Variants in HS3ST3B1 observed in about 807,000 individuals in gnomAD.
HS3ST3B1 encodes the protein heparan sulfate-glucosamine 3-sulfotransferase 3B1.
HS3ST3B1 carries 13 observed loss-of-function variants against 21.3 expected under a neutral mutation model. The observed-to-expected ratio is 0.61, with a 90% CI of 0.40 to 0.97. The LOEUF is 0.97. Among genes scored for constraint, HS3ST3B1 ranks in the 50% least tolerant of loss-of-function variants. The pLI, the probability that HS3ST3B1 is intolerant of heterozygous loss-of-function variation, is 0.00. For synonymous variants in HS3ST3B1, 234 were observed against 254.8 expected (o/e 0.92, Z 0.78); for missense variants, 459 against 554.8 (o/e 0.83, Z 1.73).
intron 1 of HS3ST3B1, among the ~76,000 whole-genome samples, chr17:14,313,829 C>T (rs1909413966): frequency 6.6e-6 from 1 of 152,212 alleles, no homozygotes; most frequent in African/African-American, 2.4e-5. Context: ...CTTGGCCTCA[C>T]AAAGTGCTGG....
At position 14,303,143 on chromosome 17, in the gene HS3ST3B1, T is replaced by C. The variant is rs184646382; in HGVS notation, c.554+1071T>C. ...TCTAGATTTCGGCCTCCGATAACTG[T>C]CTTCGACTAGGGGCCCAGGTAACGA... On this transcript the variant is annotated intron_variant, in intron 1 of 1. Transcript: ENST00000360954. The surrounding 1 kb of genome is among the most constrained non-coding windows in gnomAD (Gnocchi z 5.7). Among the ~76,000 whole-genome samples the C allele has an allele frequency of 5.6e-4, 85 of 152,180 alleles. 1 individual carries two copies. The South Asian group carries it at 0.014, about 25-fold the overall frequency.
chr17:14,329,315 G>GAGAAAGAGAGAA (rs1405832798), intron 1 of HS3ST3B1: 5 of 94,778 alleles, frequency 5.3e-5, no homozygotes, highest in African/African-American at 8.2e-5. Flanking sequence ...GAGAGAAAGA[G>GAGAAAGAGAGAA]AGAAAGAAAG....
intron 1 of HS3ST3B1, among the ~76,000 whole-genome samples, chr17:14,338,339 C>T (rs866890205): frequency 1.2e-4 from 18 of 151,428 alleles, no homozygotes; most frequent in South Asian, 1.0e-3. Context: ...TTAGCCAGGA[C>T]GGTCTCGATC....
chr17:14,341,098 C>G (rs112051553), intron 1 of HS3ST3B1, among the ~76,000 whole-genome samples: 2 of 152,194 alleles, frequency 1.3e-5, no homozygotes, highest in East Asian at 3.8e-4. Context: ...AATCTGCCCA[C>G]GGCTCAGGGA....
intron 1 of HS3ST3B1, among the ~76,000 whole-genome samples, chr17:14,344,343 G>C (rs1030752653): frequency 4.6e-5 from 7 of 152,180 alleles, no homozygotes; most frequent in Non-Finnish European, 1.0e-4. Flanking sequence ...CCATCACCCA[G>C]GTAGTGAGCA....
chr17:14,321,179 C>G (rs1406833304), intron 1 of HS3ST3B1, among the ~76,000 whole-genome samples: 1 of 152,176 alleles, frequency 6.6e-6, no homozygotes, highest in East Asian at 1.9e-4. Context: ...CAGACACTTT[C>G]CCGTCTACGT....
At chr17:14,328,677 G>C (rs726942) in intron 1 of HS3ST3B1, 144,418 of 152,226 alleles carry the variant, frequency 0.95, 68,553 homozygotes, top group East Asian at 1. Flanking sequence ...AAGTTTTATA[G>C]TCTCTGGGAT....
intron 1 of HS3ST3B1, among the ~76,000 whole-genome samples, chr17:14,312,659 T>A (rs1431491962): frequency 6.6e-6 from 1 of 151,972 alleles, no homozygotes; most frequent in East Asian, 1.9e-4. Context: ...TCCCCTTCTC[T>A]GACCGAGGCC....
chr17:14,344,922 T>C, intron 1 of HS3ST3B1, 106 bp from the exon 2 acceptor site: 4 of 1,456,932 alleles, frequency 2.7e-6, no homozygotes, highest in Non-Finnish European at 3.7e-6. Flanking sequence ...TTTCTACCAC[T>C]GCTTCCAGAA....
intron 1 of HS3ST3B1, among the ~76,000 whole-genome samples, chr17:14,310,275 C>T (rs573638754): frequency 4.9e-4 from 74 of 152,240 alleles, no homozygotes; most frequent in African/African-American, 1.7e-3. Flanking sequence ...TGTTCACACA[C>T]GCCAGGCTCG....
At chr17:14,306,227 TA>T in intron 1 of HS3ST3B1, among the ~76,000 whole-genome samples, 1 of 152,178 alleles carries the variant, frequency 6.6e-6, no homozygotes, top group Admixed American at 6.5e-5. Flanking sequence ...AGAGTGAGGA[TA>T]ATCACACCAC....
At chr17:14,344,831 C>T (rs941620371) in intron 1 of HS3ST3B1, among the ~76,000 whole-genome samples, 197 bp from the exon 2 acceptor site, 3 of 152,124 alleles carry the variant, frequency 2.0e-5, no homozygotes, top group Non-Finnish European at 4.4e-5. Flanking sequence ...TCGTGTTTTC[C>T]GGTAGATGGT....
At position 14,301,737 on chromosome 17, in the gene HS3ST3B1, C is replaced by T. The variant is rs987001859; in HGVS notation, c.219C>T (p.Asp73=). The change falls in exon 1 of 2, where the codon GAC becomes GAT. Residue 73 remains aspartate, a synonymous_variant. Transcript: ENST00000360954. ...GCTCTGGGTCCCGCGCCGCACACGA[C>T]CCGCCAGCCCTGGCCACAGCTCCGG... ...LLGSGSRAAH[D]PPALATAPDG... 11 of 1,597,276 alleles carry T rather than the reference C, an allele frequency of 6.9e-6. No homozygotes were observed. The Admixed American group carries it at 1.2e-4, about 17-fold the overall frequency.
At chr17:14,310,814 G>A (rs1458218859) in intron 1 of HS3ST3B1, among the ~76,000 whole-genome samples, 1 of 152,098 alleles carries the variant, frequency 6.6e-6, no homozygotes, top group Non-Finnish European at 1.5e-5. Context: ...CTGCCTGCGG[G>A]CACTTAGCAT....
chr17:14,333,494 A>G (rs1015130091), intron 1 of HS3ST3B1, among the ~76,000 whole-genome samples: 1 of 151,710 alleles, frequency 6.6e-6, no homozygotes, highest in African/African-American at 2.4e-5. Context: ...AAAAAAACAG[A>G]TTTTGTTCAA....
intron 1 of HS3ST3B1, among the ~76,000 whole-genome samples, chr17:14,326,020 T>C (rs1292024186): frequency 6.6e-6 from 1 of 152,132 alleles, no homozygotes; most frequent in African/African-American, 2.4e-5. Context: ...TGTGTGTGTG[T>C]ACGTGTGTGT....
At chr17:14,341,724 C>A (rs893807536) in intron 1 of HS3ST3B1, among the ~76,000 whole-genome samples, 1 of 152,116 alleles carries the variant, frequency 6.6e-6, no homozygotes, top group Non-Finnish European at 1.5e-5. Flanking sequence ...CCCCGAAGAA[C>A]CTTGGGGTTT....
chr17:14,317,151 C>T (rs1909525929), intron 1 of HS3ST3B1, among the ~76,000 whole-genome samples: 1 of 152,226 alleles, frequency 6.6e-6, no homozygotes, highest in Non-Finnish European at 1.5e-5. Context: ...TATCACACTT[C>T]CCTTCCTATA....
At chr17:14,339,661 G>A (rs1910310012) in intron 1 of HS3ST3B1, among the ~76,000 whole-genome samples, 1 of 152,208 alleles carries the variant, frequency 6.6e-6, no homozygotes, top group Admixed American at 6.5e-5. Flanking sequence ...TAAAGCAGGT[G>A]AAAGTTTGCA....
Sources: allele counts gnomAD v4.1 joint callset (sites outside exome capture counted in the v4.1 genomes callset), GRCh38; gene constraint gnomAD v4.1.1; non-coding constraint Gnocchi (gnomAD v3.1); transcripts MANE v1.5; gene names NCBI Gene and HGNC (gene_info 2026-07-23, HGNC 2026-07-21).